The following MTFR1 variants were observed in gnomAD, a reference collection of about 807,000 sequenced individuals.
MTFR1 encodes the protein mitochondrial fission regulator 1.
In MTFR1, 28 loss-of-function variants were observed where a neutral mutation model predicts 38.8. That is an observed-to-expected ratio of 0.72 (90% CI 0.53 to 0.99). MTFR1 has a LOEUF of 0.99. MTFR1 is among the 50% of genes least tolerant of loss of function. The pLI is 0.00. For synonymous variants in MTFR1, 145 were observed against 137.0 expected, an observed-to-expected ratio of 1.06 and a Z score of -0.41; for missense variants, 358 against 395.5, an observed-to-expected ratio of 0.91 and a Z score of 0.81.
intron 3 of MTFR1, among the ~76,000 whole-genome samples, chr8:65,766,937 T>C (rs1234768265): frequency 1.3e-5 from 2 of 152,172 alleles, no homozygotes; most frequent in African/African-American, 4.8e-5. Flanking sequence ...CAATGGGTCT[T>C]GGAAAAGTAT....
intron 2 of MTFR1, among the ~76,000 whole-genome samples, chr8:65,678,744 T>C (rs967458706): frequency 6.6e-6 from 1 of 151,928 alleles, no homozygotes; most frequent in African/African-American, 2.4e-5. Flanking sequence ...CTACTAAAAA[T>C]ACAAAAATTA....
intron 1 of MTFR1, among the ~76,000 whole-genome samples, chr8:65,653,758 C>G (rs919870340): frequency 3.3e-5 from 5 of 151,802 alleles, no homozygotes; most frequent in Non-Finnish European, 7.4e-5. Context: ...GAAAATGTTA[C>G]TAGTCTTTAA....
chr8:65,663,817 C>CTT (rs1804287709), intron 1 of MTFR1, among the ~76,000 whole-genome samples: 1 of 96,540 alleles, frequency 1.0e-5, no homozygotes, highest in Non-Finnish European at 2.0e-5. Context: ...TTTTTAATTT[C>CTT]TTTTCTTTTT....
chr8:65,689,563 T>C, intron 3 of MTFR1: 2 of 1,264,242 alleles, frequency 1.6e-6, no homozygotes, highest in Non-Finnish European at 2.0e-6. Context: ...CCACTAATAA[T>C]AGCTGTAGTA....
intron 3 of MTFR1, among the ~76,000 whole-genome samples, chr8:65,750,471 TCA>T (rs1442089298): frequency 2.3e-5 from 3 of 132,616 alleles, no homozygotes; most frequent in Non-Finnish European, 3.2e-5. Flanking sequence ...TAAATTAGAA[TCA>T]CTGTGTGTGT....
intron 7 of MTFR1, chr8:65,708,283 A>G: frequency 1.8e-6 from 1 of 543,084 alleles, no homozygotes; most frequent in Non-Finnish European, 3.2e-6. Context: ...GAAGAAAGCC[A>G]AAGTTAACCC....
rs1439267873 is a variant in MTFR1 at position 65,693,658 on chromosome 8, A to T, written c.180A>T (p.Ala60=). ...PRVQFQINSH[A]TEWSPSHPGE... is the part of the protein sequence containing the mutation. ...ATAACTTACAGATTAACAGCCATGC[A>T]ACAGAATGGAGTCCCAGCCACCCAG... The change falls in exon 4 of 8, where the codon GCA becomes GCT. Residue 60 remains alanine, a synonymous_variant. Transcript: ENST00000262146. 1 of 1,613,946 alleles carries T rather than the reference A, an allele frequency of 6.2e-7. No homozygotes were observed.
chr8:65,659,872 A>G (rs891682547), intron 1 of MTFR1, among the ~76,000 whole-genome samples: 2 of 152,166 alleles, frequency 1.3e-5, no homozygotes, highest in African/African-American at 4.8e-5. Flanking sequence ...TTCTTACTCT[A>G]TATGATTTAA....
chr8:65,726,981 G>T, intron 3 of MTFR1: 2 of 1,407,800 alleles, frequency 1.4e-6, no homozygotes, highest in Non-Finnish European at 2.0e-6. Context: ...AACAAAGGAC[G>T]TTTCTGAGTT....
At chr8:65,643,954 C>T (rs965837074), upstream of MTFR1, among the ~76,000 whole-genome samples, 1 of 152,104 alleles carries the variant, frequency 6.6e-6, no homozygotes, top group African/African-American at 2.4e-5. Context: ...CCAGCGACCT[C>T]CGGGATCAAT....
At chr8:65,684,750 A>T (rs1005874837) in intron 3 of MTFR1, among the ~76,000 whole-genome samples, 1 of 151,086 alleles carries the variant, frequency 6.6e-6, no homozygotes, top group Admixed American at 6.6e-5. Flanking sequence ...AACACCTACA[A>T]TCCCAGCACT....
intron 3 of MTFR1, among the ~76,000 whole-genome samples, chr8:65,686,783 C>T (rs556478735): frequency 4.6e-5 from 7 of 151,832 alleles, no homozygotes; most frequent in Non-Finnish European, 7.4e-5. Context: ...ATTAGCCGGG[C>T]GTGGTGGCAA....
downstream of MTFR1, among the ~76,000 whole-genome samples, chr8:65,774,901 T>C (rs1241038005): frequency 1.3e-5 from 2 of 152,144 alleles, no homozygotes; most frequent in South Asian, 2.1e-4. Flanking sequence ...CACTGTATCC[T>C]TGAGAGAGAA....
intron 3 of MTFR1, among the ~76,000 whole-genome samples, chr8:65,744,241 A>T (rs78379235): frequency 0.039 from 5,968 of 152,298 alleles, 173 homozygotes; most frequent in Non-Finnish European, 0.06. Context: ...AAAACAACAA[A>T]AAAAAACAGG....
intron 1 of MTFR1, among the ~76,000 whole-genome samples, chr8:65,668,127 C>T (rs1804444754): frequency 1.3e-5 from 2 of 151,778 alleles, no homozygotes; most frequent in African/African-American, 4.8e-5. Context: ...CTATGGCATA[C>T]AGCATACTGT....
At chr8:65,762,285 G>A (rs1808536018) in intron 3 of MTFR1, among the ~76,000 whole-genome samples, 1 of 151,986 alleles carries the variant, frequency 6.6e-6, no homozygotes. Flanking sequence ...TGTTAACATC[G>A]GGTAATTACA....
intron 3 of MTFR1, among the ~76,000 whole-genome samples, chr8:65,761,299 C>T (rs1181267717): frequency 1.3e-5 from 2 of 152,042 alleles, no homozygotes; most frequent in Non-Finnish European, 2.9e-5. Context: ...CTCCTGACCT[C>T]GTGATCCACC....
At chr8:65,663,531 A>T (rs868124364) in intron 1 of MTFR1, among the ~76,000 whole-genome samples, 5 of 90,110 alleles carry the variant, frequency 5.5e-5, no homozygotes, top group African/African-American at 2.1e-4. Flanking sequence ...GATCAATTTA[A>T]AAAAAAAAAA....
chr8:65,707,908 C>A lies in MTFR1; in HGVS notation c.830C>A (p.Ala277Asp). Reference protein sequence around the residue: ...ATDPAALIAEALKKKFAYRYR... With the variant: ...ATDPAALIAEDLKKKFAYRYR... ...GACCCTGCTGCCCTCATAGCAGAGG[C>A]TCTGAAAAAGAAATTTGCTTATCGG... Residue 277 changes from alanine (A) to aspartate (D), a missense_variant, in exon 7 of 8, where the codon GCT becomes GAT. Coordinates refer to ENST00000262146, the MANE Select transcript of MTFR1 (RefSeq NM_014637.4). 5.6e-6 allele frequency: 9 copies of A among 1,614,078 alleles called. No individual in the cohort carries two copies. The highest frequency in any genetic ancestry group is 7.6e-6 in the Non-Finnish European group (9 of 1,179,990).
Sources: allele counts gnomAD v4.1 joint callset (sites outside exome capture counted in the v4.1 genomes callset), GRCh38; gene constraint gnomAD v4.1.1; transcripts MANE v1.5; gene names NCBI Gene and HGNC (gene_info 2026-07-23, HGNC 2026-07-21).